Variants in NKAIN2 observed in about 807,000 individuals in gnomAD.
NKAIN2 encodes sodium/potassium transporting ATPase interacting 2.
NKAIN2 carries 14 observed loss-of-function variants against 32.6 expected under a neutral mutation model. That is an observed-to-expected ratio of 0.43 (90% CI 0.28 to 0.67). The LOEUF is 0.67. Ranked by LOEUF, NKAIN2 falls within the 30% of genes least tolerant of loss-of-function variation. The probability of loss-of-function intolerance (pLI) is 0.17; values close to 1 mark genes in which losing one functional copy is unlikely to be tolerated. For synonymous variants in NKAIN2, 80 were observed against 87.2 expected (o/e 0.92, Z 0.46); for missense variants, 198 against 258.3 (o/e 0.77, Z 1.60).
intron 1 of NKAIN2, among the ~76,000 whole-genome samples, chr6:123,865,881 C>T (rs1775962536): frequency 6.6e-6 from 1 of 152,152 alleles, no homozygotes; most frequent in Admixed American, 6.5e-5. Flanking sequence ...ATTGGAAACA[C>T]ATAAATATAT....
chr6:124,797,072 G>A (rs1780030593), intron 5 of NKAIN2, among the ~76,000 whole-genome samples: 1 of 148,716 alleles, frequency 6.7e-6, no homozygotes, highest in South Asian at 2.1e-4. Context: ...CACAGTGATA[G>A]AATCAGGAAC....
intron 4 of NKAIN2, among the ~76,000 whole-genome samples, chr6:124,729,553 A>G (rs1169117656): frequency 1.3e-5 from 2 of 151,756 alleles, no homozygotes; most frequent in African/African-American, 2.4e-5. Flanking sequence ...TTGATGGGAC[A>G]TATTTCAAAA....
At chr6:124,532,894 G>T (rs1431218304) in intron 3 of NKAIN2, among the ~76,000 whole-genome samples, 1 of 152,162 alleles carries the variant, frequency 6.6e-6, no homozygotes, top group Non-Finnish European at 1.5e-5. Flanking sequence ...CTCTCCAGTA[G>T]AGTCTGGAAA....
chr6:124,465,642 A>AAG (rs1265381218), intron 3 of NKAIN2, among the ~76,000 whole-genome samples: 1 of 151,520 alleles, frequency 6.6e-6, no homozygotes, highest in Non-Finnish European at 1.5e-5. Flanking sequence ...AAAAAAAAAA[A>AAG]AAAAGAAATT....
intron 3 of NKAIN2, among the ~76,000 whole-genome samples, chr6:124,366,114 A>C (rs1177431990): frequency 6.6e-6 from 1 of 152,130 alleles, no homozygotes; most frequent in African/African-American, 2.4e-5. Flanking sequence ...TAAAGTGAAA[A>C]CATTCTAATA....
intron 1 of NKAIN2, among the ~76,000 whole-genome samples, chr6:123,832,426 T>C (rs1774425755): frequency 6.6e-6 from 1 of 152,234 alleles, no homozygotes; most frequent in South Asian, 2.1e-4. Flanking sequence ...ATAAGACAGC[T>C]ATGAACATCC....
At position 124,653,410 on chromosome 6, in the gene NKAIN2, A is replaced by G. The variant is rs113955240; in HGVS notation, c.274-4776A>G. On this transcript the variant is annotated intron_variant, in intron 3 of 6. Coordinates refer to ENST00000368417, the MANE Select transcript of NKAIN2 (RefSeq NM_001040214.3). ...TGCAAAGGGGAAGACAGTCCTTTCA[A>G]TAAATGGTGCTGGAATAATTGCACA... is the stretch of plus-strand genomic sequence containing the variant. Among the ~76,000 whole-genome samples, 592 of 148,762 alleles carry G rather than the reference A, an allele frequency of 4.0e-3. 1 individual carries two copies. The highest frequency in any genetic ancestry group is 0.014 in the African/African-American group (574 of 40,682).
intron 3 of NKAIN2, among the ~76,000 whole-genome samples, chr6:124,569,716 T>TA (rs1438619107): frequency 6.6e-6 from 1 of 152,208 alleles, no homozygotes; most frequent in African/African-American, 2.4e-5. Flanking sequence ...TGAGTCCAAT[T>TA]AAATCTCTTT....
At position 123,804,063 on chromosome 6, in the gene NKAIN2, G is replaced by A; in HGVS notation, c.-138G>A. 2.4e-6 allele frequency: 2 copies of A among 819,162 alleles called. No individual in the cohort carries two copies. The highest frequency in any genetic ancestry group is 4.3e-6 in the Non-Finnish European group (2 of 467,132). 50.7% of individuals were successfully genotyped at this position (819,162 alleles called of 1,614,324 possible). On this transcript the variant is annotated 5_prime_UTR_variant, in exon 1 of 7. Transcript: ENST00000368417. ...CCTAATGCCTGTCACTTCCCAGGAC[G>A]CTGGCAGCAGCAGCAGCCCGGAGCC...
At chr6:123,825,862 G>C (rs1774127088) in intron 1 of NKAIN2, among the ~76,000 whole-genome samples, 1 of 152,096 alleles carries the variant, frequency 6.6e-6, no homozygotes, top group Non-Finnish European at 1.5e-5. Flanking sequence ...CATTTCAAGA[G>C]ATGGAATAAG....
intron 3 of NKAIN2, among the ~76,000 whole-genome samples, chr6:124,445,600 A>G (rs1260495759): frequency 1.3e-5 from 2 of 152,132 alleles, no homozygotes; most frequent in Non-Finnish European, 2.9e-5. Flanking sequence ...ATCAGGTTTC[A>G]AAATGTCATG....
chr6:124,793,810 A>C (rs1779872587), intron 5 of NKAIN2, among the ~76,000 whole-genome samples: 1 of 152,030 alleles, frequency 6.6e-6, no homozygotes, highest in Non-Finnish European at 1.5e-5. Flanking sequence ...TTTCTAACCC[A>C]CAGTTTTGTT....
chr6:124,535,701 A>T (rs1289766563), intron 3 of NKAIN2, among the ~76,000 whole-genome samples: 1 of 152,206 alleles, frequency 6.6e-6, no homozygotes, highest in Non-Finnish European at 1.5e-5. Context: ...AGCACCAGTG[A>T]CCTGAAATAA....
rs187943219 is a variant in NKAIN2 at position 123,932,586 on chromosome 6, T to A, written c.54+128332T>A. Among the ~76,000 whole-genome samples the A allele has an allele frequency of 4.9e-3, 745 of 151,838 alleles. 8 individuals are homozygous for A. Among genetic ancestry groups the A allele is most frequent in the African/African-American group, 0.015 (637 of 41,414 alleles). ...TGTCCGCCAACCTGCCCGGCTAATT[T>A]TTTCTATTTTTTAGTAGAGACGGGG... On this transcript the variant is annotated intron_variant, in intron 1 of 6. Coordinates refer to ENST00000368417, the MANE Select transcript of NKAIN2 (RefSeq NM_001040214.3).
intron 3 of NKAIN2, among the ~76,000 whole-genome samples, chr6:124,477,947 C>G (rs1416344706): frequency 1.3e-5 from 2 of 151,452 alleles, no homozygotes; most frequent in Non-Finnish European, 2.9e-5. Flanking sequence ...ATATCCTTTA[C>G]AAAGAACTTC....
At chr6:124,154,137 A>G (rs575920856) in intron 1 of NKAIN2, among the ~76,000 whole-genome samples, 1 of 151,966 alleles carries the variant, frequency 6.6e-6, no homozygotes, top group South Asian at 2.1e-4. Context: ...GATTTTTCAA[A>G]TGTTAAACAA....
At chr6:124,309,020 G>A (rs780059177) in intron 2 of NKAIN2, among the ~76,000 whole-genome samples, 6 of 152,078 alleles carry the variant, frequency 3.9e-5, no homozygotes, top group Non-Finnish European at 7.4e-5. Flanking sequence ...GAAACAAACC[G>A]AGAACAGGCA....
intron 4 of NKAIN2, among the ~76,000 whole-genome samples, chr6:124,662,012 T>C (rs562869841): frequency 1.6e-4 from 25 of 152,324 alleles, no homozygotes; most frequent in African/African-American, 5.3e-4. Flanking sequence ...CTTCCTAAGA[T>C]ATTTTAGCTA....
chr6:124,072,526 C>T (rs1783509784), intron 1 of NKAIN2, among the ~76,000 whole-genome samples: 1 of 152,056 alleles, frequency 6.6e-6, no homozygotes, highest in Non-Finnish European at 1.5e-5. Flanking sequence ...TCATTTTCCC[C>T]TGTCATTCTC....
Sources: allele counts gnomAD v4.1 joint callset (sites outside exome capture counted in the v4.1 genomes callset), GRCh38; gene constraint gnomAD v4.1.1; transcripts MANE v1.5; gene names NCBI Gene and HGNC (gene_info 2026-07-23, HGNC 2026-07-21).